Variants in RANBP9 observed in about 807,000 individuals in gnomAD.
RANBP9 encodes RAN binding protein 9, also known as ran-binding protein 9.
A neutral mutation model predicts 84.3 loss-of-function variants in RANBP9; 15 were observed. The ratio of observed to expected loss-of-function variants is 0.18; its 90% CI spans 0.12 to 0.27. The LOEUF (loss-of-function observed/expected upper bound fraction) is 0.27, where lower values mean the gene tolerates loss of function less well. Ranked by LOEUF, RANBP9 falls within the 10% of genes least tolerant of loss-of-function variation. The probability of loss-of-function intolerance (pLI) is 1.00; values close to 1 mark genes in which losing one functional copy is unlikely to be tolerated. For missense variants in RANBP9, 809 were observed against 912.8 expected, an observed-to-expected ratio of 0.89 and a Z score of 1.46; for synonymous variants, 392 against 349.6, an observed-to-expected ratio of 1.12 and a Z score of -1.35.
chr6:13,660,490 G>A (rs1765517293), intron 2 of RANBP9, among the ~76,000 whole-genome samples: 1 of 152,134 alleles, frequency 6.6e-6, no homozygotes, highest in Non-Finnish European at 1.5e-5. Flanking sequence ...TCCACCCTGA[G>A]TGATAGACCA....
chr6:13,691,598 T>C lies in RANBP9; in HGVS notation c.683+5187A>G, dbSNP rs73723752. Among the ~76,000 whole-genome samples the C allele has an allele frequency of 6.4e-3, 969 of 152,334 alleles. 10 individuals are homozygous for C. Among genetic ancestry groups the C allele is most frequent in the African/African-American group, 0.022 (918 of 41,584 alleles). On this transcript the variant is annotated intron_variant, in intron 2 of 13. Transcript: ENST00000011619. ...AAAATTTGTTGCCAAGGACAATTTA[T>C]TTTAAAAACTGAGATCTGGGATAAA...
At chr6:13,644,037 G>A (rs1417858995) in intron 6 of RANBP9, among the ~76,000 whole-genome samples, 1 of 152,130 alleles carries the variant, frequency 6.6e-6, no homozygotes, top group African/African-American at 2.4e-5. Context: ...TAATAGTGAA[G>A]AGGACTTTTT....
rs746174593 is a variant in RANBP9, at chr6:13,637,813, G to A, written c.1668C>T (p.Phe556=). ...AAGTCAGTGAAATTACTTACCTGGT[G>A]AAGTTATTAACTTGCTGTGATCTTG... ...NMSRSQQVNN[F]TSNDVDMETD... Residue 556 remains phenylalanine, a synonymous_variant, in exon 10 of 14, where the codon TTC becomes TTT. Coordinates refer to ENST00000011619, the MANE Select transcript of RANBP9 (RefSeq NM_005493.3). The A allele has an allele frequency of 6.3e-7, 1 of 1,588,538 alleles. No homozygotes were observed. The highest frequency in any genetic ancestry group is 8.5e-7 in the Non-Finnish European group (1 of 1,170,130).
chr6:13,706,939 G>A (rs956964853), intron 1 of RANBP9, among the ~76,000 whole-genome samples: 1 of 150,324 alleles, frequency 6.7e-6, no homozygotes, highest in Admixed American at 6.6e-5. Flanking sequence ...GAACCCAGGA[G>A]AGGCTGCAAT....
intron 5 of RANBP9, among the ~76,000 whole-genome samples, chr6:13,650,147 GT>G (rs934687454): frequency 6.6e-4 from 98 of 147,572 alleles, no homozygotes; most frequent in African/African-American, 2.3e-3. Context: ...AGGGTTTTTT[GT>G]TGTTGTTGTG....
At chr6:13,624,647 G>A (rs1269048882) in intron 13 of RANBP9, among the ~76,000 whole-genome samples, 2 of 152,194 alleles carry the variant, frequency 1.3e-5, no homozygotes, top group Non-Finnish European at 2.9e-5. Flanking sequence ...TACTTGTTCA[G>A]TATATAAATA....
At position 13,711,148 on chromosome 6, in the gene RANBP9, T is replaced by G; in HGVS notation, c.358A>C (p.Thr120Pro). 5.3e-6 allele frequency: 8 copies of G among 1,499,692 alleles called. No homozygotes were observed. Among genetic ancestry groups the G allele is most frequent in the Non-Finnish European group, 7.1e-6 (8 of 1,125,442 alleles). The allele number at this position is 1,499,692 out of a possible 1,614,324, so 92.9% of individuals were successfully genotyped here. ...AGPGPAGGAP[T>P]PALVAGSSAA... ...CTGCTGCCCGCCACCAGAGCTGGGG[T>G]CGGGGCTCCTCCAGCCGGGCCGGGG... Residue 120 changes from threonine to proline, a missense_variant, in exon 1 of 14, where the codon ACC becomes CCC. By Grantham distance (38) the Thr-to-Pro change is conservative. This residue lies in a region of RANBP9 where 302 missense variants were observed against 240.1 expected (regional missense o/e 1.26). Transcript: ENST00000011619.
At chr6:13,710,813 G>T in intron 1 of RANBP9, 122 bp downstream of exon 1, 1 of 1,069,550 alleles carries the variant, frequency 9.3e-7, no homozygotes, top group Non-Finnish European at 1.3e-6. Flanking sequence ...AACAGGCGGC[G>T]AGTGGCCTCC....
chr6:13,707,767 T>C (rs1758164465), intron 1 of RANBP9, among the ~76,000 whole-genome samples: 1 of 152,172 alleles, frequency 6.6e-6, no homozygotes, highest in African/African-American at 2.4e-5. Context: ...ACTAGAAAAA[T>C]ATAAAAATGC....
chr6:13,666,552 A>C (rs1765650897), intron 2 of RANBP9, among the ~76,000 whole-genome samples: 1 of 142,724 alleles, frequency 7.0e-6, no homozygotes, highest in Non-Finnish European at 1.5e-5. Flanking sequence ...ATGGTGAGAG[A>C]AGCGCTTGAG....
intron 5 of RANBP9, among the ~76,000 whole-genome samples, chr6:13,645,002 GTAT>G (rs1765149492): frequency 6.6e-6 from 1 of 152,110 alleles, no homozygotes; most frequent in Non-Finnish European, 1.5e-5. Flanking sequence ...ATACCACGTG[GTAT>G]TATGCTACTA....
chr6:13,677,248 T>C (rs1765909179), intron 2 of RANBP9, among the ~76,000 whole-genome samples: 1 of 152,100 alleles, frequency 6.6e-6, no homozygotes. Context: ...ATACCACTTA[T>C]ATTAGCACCA....
At chr6:13,709,512 T>C (rs1173226529) in intron 1 of RANBP9, among the ~76,000 whole-genome samples, 1 of 152,220 alleles carries the variant, frequency 6.6e-6, no homozygotes, top group Non-Finnish European at 1.5e-5. Flanking sequence ...CATAGCACCG[T>C]TCACACAAAT....
At chr6:13,707,155 C>A (rs1158127239) in intron 1 of RANBP9, among the ~76,000 whole-genome samples, 1 of 152,050 alleles carries the variant, frequency 6.6e-6, no homozygotes, top group Non-Finnish European at 1.5e-5. Context: ...TCCTAAGTGG[C>A]TGGGATTTCA....
chr6:13,674,272 AACTC>A (rs1765840162), intron 2 of RANBP9, among the ~76,000 whole-genome samples: 1 of 152,152 alleles, frequency 6.6e-6, no homozygotes, highest in Non-Finnish European at 1.5e-5. Context: ...GTCTACAAGA[AACTC>A]ACTCTAAATA....
At chr6:13,643,770 G>T (rs1361007106) in intron 6 of RANBP9, among the ~76,000 whole-genome samples, 1 of 152,092 alleles carries the variant, frequency 6.6e-6, no homozygotes, top group Non-Finnish European at 1.5e-5. Context: ...CTGCATCAGG[G>T]TTGTCTATTC....
chr6:13,672,851 T>TA lies in RANBP9; in HGVS notation c.684-14020dup, dbSNP rs201558651. 3.3e-3 allele frequency among the ~76,000 whole-genome samples: 495 copies of TA among 150,036 alleles called. 2 individuals are homozygous for TA. The highest frequency in any genetic ancestry group is 0.012 in the African/African-American group (481 of 40,854). ...TGCCTTTGACGAGCAATCAGCAGAC[T>TA]AAAAAAAACAACAATCAGTGAGCTT... On this transcript the variant is annotated intron_variant, in intron 2 of 13. Transcript: ENST00000011619.
chr6:13,685,557 T>C (rs1766152887), intron 2 of RANBP9, among the ~76,000 whole-genome samples: 1 of 151,914 alleles, frequency 6.6e-6, no homozygotes, highest in Non-Finnish European at 1.5e-5. Flanking sequence ...CACTACAGCC[T>C]GGGCAACAGA....
chr6:13,663,855 A>G (rs1344871695), intron 2 of RANBP9, among the ~76,000 whole-genome samples: 1 of 152,124 alleles, frequency 6.6e-6, no homozygotes, highest in East Asian at 1.9e-4. Flanking sequence ...CATTCAAAAT[A>G]AATACACTTG....
Sources: allele counts gnomAD v4.1 joint callset (sites outside exome capture counted in the v4.1 genomes callset), GRCh38; gene constraint gnomAD v4.1.1; regional missense constraint gnomAD v4.1.1; transcripts MANE v1.5; gene names NCBI Gene and HGNC (gene_info 2026-07-23, HGNC 2026-07-21).